The following IDNK variants were observed in gnomAD, a reference collection of about 807,000 sequenced individuals.
IDNK encodes the protein gluconokinase.
In IDNK, 9 loss-of-function variants were observed where a neutral mutation model predicts 13.0. The observed-to-expected ratio is 0.69, with a 90% CI of 0.42 to 1.21. The LOEUF is 1.21. IDNK is among the 50% of genes most tolerant of loss of function. The pLI, the probability that IDNK is intolerant of heterozygous loss-of-function variation, is 0.00. For missense variants in IDNK, 210 were observed against 237.8 expected (o/e 0.88, Z 0.77); for synonymous variants, 92 against 94.9 (o/e 0.97, Z 0.18).
Position 83,643,852 on chromosome 9 carries a change from C to A in IDNK, c.*72C>A. ...TGTGCCATCCCAAACCTCGTTCCAG[C>A]CGCCTTGCCCATACTAGATTCTAAA... On this transcript the variant is annotated 3_prime_UTR_variant, in exon 5 of 5. Coordinates refer to ENST00000376419, the MANE Select transcript of IDNK (RefSeq NM_001001551.4). The A allele has an allele frequency of 8.9e-7, 1 of 1,126,390 alleles. No homozygotes were observed. The highest frequency in any genetic ancestry group is 1.3e-6 in the Non-Finnish European group (1 of 786,130). 69.8% of individuals were successfully genotyped at this position (1,126,390 alleles called of 1,614,324 possible). A position where few individuals can be genotyped will look rare whatever the true frequency, so the allele number is the denominator to read the frequency against.
intron 3 of IDNK, among the ~76,000 whole-genome samples, chr9:83,634,084 G>A (rs1438470946): frequency 1.3e-5 from 2 of 152,250 alleles, no homozygotes; most frequent in South Asian, 2.1e-4. Flanking sequence ...CTACACTGGC[G>A]CTGCCTTGGA....
rs1220690753 is a variant in IDNK, at chr9:83,631,507, G to A, written c.168+2548G>A. The stretch of plus-strand genomic sequence containing the variant: ...CATGCCTGTAGTCCCAGCTACTCGG[G>A]AGGCTAAGGTGGGAGGATGGCCTAA... On this transcript the variant is annotated intron_variant, in intron 3 of 4. Transcript: ENST00000376419. Among the ~76,000 whole-genome samples, 4 of 147,402 alleles carry A rather than the reference G, an allele frequency of 2.7e-5. No homozygotes were observed. The East Asian group carries it at 8.0e-4, about 29-fold the overall frequency.
At chr9:83,634,246 A>T (rs1399470185) in intron 3 of IDNK, among the ~76,000 whole-genome samples, 2 of 152,238 alleles carry the variant, frequency 1.3e-5, no homozygotes, top group African/African-American at 4.8e-5. Flanking sequence ...ACTGATGGAC[A>T]CAGTCCTTAC....
rs1831385626 is a variant in IDNK at position 83,643,819 on chromosome 9, T to C, written c.*39T>C. On this transcript the variant is annotated 3_prime_UTR_variant, in exon 5 of 5. Transcript: ENST00000376419. ...TCAGTGGTCCAAACAGAACTAAGCA[T>C]AAATCATTGTGCCATCCCAAACCTC... 6.8e-7 allele frequency: 1 copy of C among 1,465,778 alleles called. No homozygotes were observed. The highest frequency in any genetic ancestry group is 1.2e-5 in the South Asian group (1 of 82,436). 90.8% of individuals were successfully genotyped at this position (1,465,778 alleles called of 1,614,324 possible). A position where few individuals can be genotyped will look rare whatever the true frequency, so the allele number is the denominator to read the frequency against.
intron 4 of IDNK, among the ~76,000 whole-genome samples, chr9:83,642,508 C>A (rs1418503879): frequency 6.8e-6 from 1 of 147,414 alleles, no homozygotes; most frequent in Admixed American, 6.8e-5. Context: ...ATTTCATAGT[C>A]ATAAAAAGGA....
intron 3 of IDNK, among the ~76,000 whole-genome samples, chr9:83,632,789 T>A (rs1467235424): frequency 6.6e-6 from 1 of 152,174 alleles, no homozygotes; most frequent in Non-Finnish European, 1.5e-5. Flanking sequence ...TTTTCATAAC[T>A]TATTATATTG....
At chr9:83,642,560 CAAAA>C (rs59605419) in intron 4 of IDNK, among the ~76,000 whole-genome samples, 3 of 131,974 alleles carry the variant, frequency 2.3e-5, no homozygotes, top group Non-Finnish European at 3.4e-5. Context: ...GTATTGGCTG[CAAAA>C]AAAAAAAAAA....
intron 4 of IDNK, 62 bp from the exon 5 acceptor site, chr9:83,643,365 CAG>C: frequency 7.6e-6 from 10 of 1,309,354 alleles, no homozygotes; most frequent in South Asian, 1.5e-5. Flanking sequence ...CTAGAATTGA[CAG>C]AGGTTACTTT....
At chr9:83,631,485 G>A (rs1289799949) in intron 3 of IDNK, among the ~76,000 whole-genome samples, 1 of 146,656 alleles carries the variant, frequency 6.8e-6, no homozygotes, top group African/African-American at 2.5e-5. Flanking sequence ...GGTGGTGCAT[G>A]CCTGTAGTCC....
Position 83,628,903 on chromosome 9 carries a change from T to C in IDNK, c.112T>C (p.Tyr38His). The C allele has an allele frequency of 1.2e-6, 2 of 1,614,116 alleles. No individual in the cohort carries two copies. Among genetic ancestry groups the C allele is most frequent in the Non-Finnish European group, 1.7e-6 (2 of 1,179,964 alleles). Residue 38 changes from tyrosine (Y) to histidine (H), a missense_variant, in exon 3 of 5, where the codon TAT (tyrosine) becomes CAT (histidine). By Grantham distance (83) the Tyr-to-His change is moderately conservative. Transcript: ENST00000376419. ...ATGGAAATTCTATGATGCTGATGATTATCACCCGGAGGAAAATCGAAGGAA... is the reference window on the plus strand; with the variant it reads ...ATGGAAATTCTATGATGCTGATGATCATCACCCGGAGGAAAATCGAAGGAA... Reference protein sequence around the residue: ...LGWKFYDADDYHPEENRRKMG... With the variant: ...LGWKFYDADDHHPEENRRKMG...
intron 1 of IDNK, among the ~76,000 whole-genome samples, chr9:83,626,028 CTTCT>C (rs1417791102): frequency 2.0e-5 from 3 of 152,158 alleles, no homozygotes; most frequent in African/African-American, 7.2e-5. Flanking sequence ...TCCAGGTTTC[CTTCT>C]CTTTGCTGAT....
At chr9:83,626,637 G>A (rs1313298261) in intron 1 of IDNK, 9 of 1,105,524 alleles carry the variant, frequency 8.1e-6, no homozygotes, top group Admixed American at 2.4e-5. Context: ...AGCTAGTCCC[G>A]AACTCCTGGC....
At chr9:83,641,489 A>G (rs1831306243) in intron 3 of IDNK, 59 bp from the exon 4 acceptor site, 1 of 1,576,040 alleles carries the variant, frequency 6.3e-7, no homozygotes, top group African/African-American at 1.3e-5. Flanking sequence ...TTTCTCTACA[A>G]ACAAACAATA....
At chr9:83,623,325 C>A in intron 1 of IDNK, 104 bp downstream of exon 1, 1 of 1,047,728 alleles carries the variant, frequency 9.5e-7, no homozygotes, top group Non-Finnish European at 1.3e-6. Context: ...CTTGGGGACC[C>A]CCCACCCTTC....
chr9:83,623,030 G>A, upstream of IDNK: 1 of 541,948 alleles, frequency 1.8e-6, no homozygotes, highest in Non-Finnish European at 2.9e-6. Flanking sequence ...CATGGAAAAG[G>A]GGCGCGGGAA....
chr9:83,641,339 T>C (rs1313958924), intron 3 of IDNK, among the ~76,000 whole-genome samples: 1 of 152,200 alleles, frequency 6.6e-6, no homozygotes, highest in Non-Finnish European at 1.5e-5. Flanking sequence ...GCAATTTTTA[T>C]TATTATGAAA....
intron 2 of IDNK, among the ~76,000 whole-genome samples, chr9:83,628,553 G>A (rs2131620453): frequency 6.6e-6 from 1 of 152,202 alleles, no homozygotes; most frequent in South Asian, 2.1e-4. Context: ...TCAGGAGGCT[G>A]AGGCAGGGGA....
intron 1 of IDNK, among the ~76,000 whole-genome samples, chr9:83,625,730 AAC>A (rs1830830882): frequency 6.6e-6 from 1 of 152,200 alleles, no homozygotes; most frequent in South Asian, 2.1e-4. Context: ...GGCTGAAGAG[AAC>A]AATAGTCTCA....
At chr9:83,640,152 T>C (rs1472302546) in intron 3 of IDNK, among the ~76,000 whole-genome samples, 1 of 152,142 alleles carries the variant, frequency 6.6e-6, no homozygotes, top group Non-Finnish European at 1.5e-5. Context: ...ACAATGCTCA[T>C]TAAAGAAATT....
Sources: allele counts gnomAD v4.1 joint callset (sites outside exome capture counted in the v4.1 genomes callset), GRCh38; gene constraint gnomAD v4.1.1; transcripts MANE v1.5; gene names NCBI Gene and HGNC (gene_info 2026-07-23, HGNC 2026-07-21).